The following TBCK variants were observed in gnomAD, a reference collection of about 807,000 sequenced individuals.
TBCK encodes TBC domain-containing protein kinase-like protein.
TBCK carries 99 observed loss-of-function variants against 113.4 expected under a neutral mutation model. The observed-to-expected ratio is 0.87, with a 90% CI of 0.74 to 1.03. The LOEUF (loss-of-function observed/expected upper bound fraction) is 1.03, where lower values mean the gene tolerates loss of function less well. Among genes scored for constraint, TBCK ranks in the 50% least tolerant of loss-of-function variants. The probability of loss-of-function intolerance (pLI) is 0.00; values close to 1 mark genes in which losing one functional copy is unlikely to be tolerated. For missense variants in TBCK, 1,045 were observed against 1,061.3 expected (o/e 0.98, Z 0.21); for synonymous variants, 369 against 370.8 (o/e 1.00, Z 0.05).
At chr4:106,215,920 T>A (rs1401780098) in intron 19 of TBCK, among the ~76,000 whole-genome samples, 2 of 150,796 alleles carry the variant, frequency 1.3e-5, no homozygotes, top group East Asian at 3.9e-4. Context: ...TACATTTTTT[T>A]CAGCACCACA....
intron 25 of TBCK, among the ~76,000 whole-genome samples, chr4:106,091,116 G>C (rs1054864645): frequency 3.3e-5 from 5 of 152,166 alleles, no homozygotes; most frequent in Non-Finnish European, 7.3e-5. Context: ...AAAAAAGATG[G>C]TTAACTGGCT....
chr4:106,072,119 T>C (rs1018989270), intron 25 of TBCK, among the ~76,000 whole-genome samples: 1 of 152,218 alleles, frequency 6.6e-6, no homozygotes, highest in Non-Finnish European at 1.5e-5. Flanking sequence ...TTGTTATGTG[T>C]GAATTTGATC....
chr4:106,222,507 C>G (rs1033454648), intron 19 of TBCK, among the ~76,000 whole-genome samples: 1 of 152,090 alleles, frequency 6.6e-6, no homozygotes, highest in Non-Finnish European at 1.5e-5. Context: ...AGCTTTGACT[C>G]TTTTAGCTAG....
At chr4:106,063,066 T>C (rs1269504142) in intron 25 of TBCK, among the ~76,000 whole-genome samples, 3 of 152,114 alleles carry the variant, frequency 2.0e-5, no homozygotes, top group Non-Finnish European at 2.9e-5. Flanking sequence ...ATCAGAGTTA[T>C]GTAGAAGAGT....
chr4:106,191,821 C>T (rs1753702970), intron 22 of TBCK, among the ~76,000 whole-genome samples: 1 of 152,068 alleles, frequency 6.6e-6, no homozygotes, highest in African/African-American at 2.4e-5. Context: ...AGATTTCATT[C>T]CTATTTGAAT....
At chr4:106,290,552 T>C (rs886474220) in intron 3 of TBCK, among the ~76,000 whole-genome samples, 4 of 152,234 alleles carry the variant, frequency 2.6e-5, no homozygotes, top group African/African-American at 9.6e-5. Flanking sequence ...ACACATTTAC[T>C]AAATAAGGTT....
intron 3 of TBCK, among the ~76,000 whole-genome samples, chr4:106,270,155 G>C (rs937555105): frequency 1.3e-5 from 2 of 152,076 alleles, no homozygotes; most frequent in African/African-American, 4.8e-5. Flanking sequence ...AATATATTTT[G>C]TTATATCATA....
intron 24 of TBCK, among the ~76,000 whole-genome samples, chr4:106,104,418 GA>G (rs995662051): frequency 1.3e-5 from 2 of 152,102 alleles, no homozygotes; most frequent in Non-Finnish European, 2.9e-5. Flanking sequence ...AGCTGACTCA[GA>G]GCAGAAGGAA....
chr4:106,208,155 A>G (rs1445064426), intron 20 of TBCK, among the ~76,000 whole-genome samples: 2 of 152,148 alleles, frequency 1.3e-5, no homozygotes, highest in African/African-American at 4.8e-5. Flanking sequence ...TCACACTACC[A>G]TTGATAGCAG....
chr4:106,056,972 A>G (rs1002200394), intron 25 of TBCK, among the ~76,000 whole-genome samples: 37 of 151,854 alleles, frequency 2.4e-4, no homozygotes, highest in Non-Finnish European at 4.1e-4. Flanking sequence ...ATTAACTTAT[A>G]TTTACATGAA....
intron 23 of TBCK, among the ~76,000 whole-genome samples, chr4:106,159,871 G>T (rs10008428): frequency 0.4 from 60,708 of 151,662 alleles, 12,415 homozygotes; most frequent in African/African-American, 0.47. Flanking sequence ...CTTCCTGATT[G>T]CAAAATTTAT....
At chr4:106,147,972 T>G (rs1343844587) in intron 23 of TBCK, among the ~76,000 whole-genome samples, 1 of 152,184 alleles carries the variant, frequency 6.6e-6, no homozygotes, top group Non-Finnish European at 1.5e-5. Flanking sequence ...GCCTCTGAAC[T>G]GGCCCCCCTG....
rs557908922 is a variant in TBCK, at chr4:106,262,376, C to G, written c.267-164G>C. Among the ~76,000 whole-genome samples, 15 of 152,118 alleles carry G rather than the reference C, an allele frequency of 9.9e-5. No homozygotes were observed. The South Asian group carries it at 3.1e-3, about 32-fold the overall frequency. ...TATATATTTTCTAAAATATCTACCT[C>G]TACATATTTTAGGTTTTCTGATTAT... is the stretch of plus-strand genomic sequence containing the variant. On this transcript the variant is annotated intron_variant, in intron 3 of 25. Coordinates refer to ENST00000394708, the MANE Select transcript of TBCK (RefSeq NM_001163435.3).
intron 22 of TBCK, chr4:106,182,344 T>C (rs758164114): frequency 2.6e-5 from 4 of 152,200 alleles, no homozygotes; most frequent in Non-Finnish European, 4.4e-5. Flanking sequence ...TCTCTTCCTA[T>C]ATGAATACCC....
chr4:106,244,525 A>T, intron 11 of TBCK, 101 bp downstream of exon 11: 2 of 1,066,578 alleles, frequency 1.9e-6, no homozygotes, highest in Non-Finnish European at 2.4e-6. Context: ...AAAACAACCA[A>T]TTTAAAAAAA....
intron 22 of TBCK, among the ~76,000 whole-genome samples, chr4:106,171,661 T>G (rs1482080013): frequency 6.6e-6 from 1 of 152,036 alleles, no homozygotes; most frequent in East Asian, 1.9e-4. Context: ...GAAACAAAAG[T>G]TATAGGGGGA....
rs375710469 is a variant in TBCK at position 106,251,853 on chromosome 4, T to C, written c.597+13A>G. The C allele has an allele frequency of 2.6e-6, 4 of 1,550,074 alleles. No homozygotes were observed. The African/African-American group carries it at 5.5e-5, about 21-fold the overall frequency. On this transcript the variant is annotated intron_variant, in intron 6 of 25. Coordinates refer to ENST00000394708, the MANE Select transcript of TBCK (RefSeq NM_001163435.3). ...AATTTCCTTTTATTATATTAATATT[T>C]CTTTATACATACCACACAAAGCTCA...
At chr4:106,128,360 A>T (rs1230997865) in intron 23 of TBCK, among the ~76,000 whole-genome samples, 1 of 152,218 alleles carries the variant, frequency 6.6e-6, no homozygotes, top group Non-Finnish European at 1.5e-5. Context: ...TTATCAATGA[A>T]TCACTAGAAG....
Position 106,043,849 on chromosome 4 carries a change from T to C in TBCK, c.*2721A>G, listed in dbSNP as rs992893793. 2 of 152,020 alleles carry C rather than the reference T, an allele frequency of 1.3e-5. No homozygotes were observed. The highest frequency in any genetic ancestry group is 4.8e-5 in the African/African-American group (2 of 41,398). The allele number at this position is 152,020 out of a possible 1,614,324, so 9.4% of individuals were successfully genotyped here. ...ATAGTCATCGTGTAGGAATCAATAA[T>C]ACATTAAAAAGGAACTCAAATAAAT... On this transcript the variant is annotated 3_prime_UTR_variant, in exon 26 of 26. Transcript: ENST00000394708.
Sources: gnomAD v4.1 joint callset for allele counts (sites outside exome capture counted in the v4.1 genomes callset) on GRCh38, gnomAD v4.1.1 for gene constraint, MANE v1.5 for transcripts, NCBI Gene and HGNC (gene_info 2026-07-23, HGNC 2026-07-21) for gene names.